Variants in EIF3H observed in about 807,000 individuals in gnomAD.
The protein encoded by EIF3H is eIF-3-gamma.
Under a neutral mutation model 44.2 loss-of-function variants are expected in EIF3H, and 26 were observed. The ratio of observed to expected loss-of-function variants is 0.59; its 90% CI spans 0.43 to 0.82. The LOEUF (loss-of-function observed/expected upper bound fraction) is 0.82. Ranked by LOEUF, EIF3H falls within the 40% of genes least tolerant of loss-of-function variation. EIF3H has a pLI of 0.00. For synonymous variants in EIF3H, 166 were observed against 151.9 expected, an observed-to-expected ratio of 1.09 and a Z score of -0.68; for missense variants, 359 against 432.8, an observed-to-expected ratio of 0.83 and a Z score of 1.51.
At chr8:116,766,289 G>A (rs1264322818), upstream of EIF3H, 4 of 293,514 alleles carry the variant, frequency 1.4e-5, no homozygotes, top group Non-Finnish European at 2.6e-5. Context: ...ATGTATTCTC[G>A]TAATTTTCTT....
chr8:116,663,930 C>CAAAAAAA (rs779193805), intron 2 of EIF3H, among the ~76,000 whole-genome samples: 1 of 76,206 alleles, frequency 1.3e-5, no homozygotes, highest in Admixed American at 1.4e-4. Flanking sequence ...GACTCAGTCT[C>CAAAAAAA]AAAAAAAAAA....
intron 5 of EIF3H, among the ~76,000 whole-genome samples, chr8:116,651,071 C>A (rs1414448380): frequency 1.2e-4 from 19 of 152,288 alleles, no homozygotes; most frequent in South Asian, 2.1e-4. Flanking sequence ...TGTTCTAGAG[C>A]TAGTAATGGT....
chr8:116,696,377 G>A (rs2130870970), intron 2 of EIF3H, among the ~76,000 whole-genome samples: 1 of 152,266 alleles, frequency 6.6e-6, no homozygotes, highest in South Asian at 2.1e-4. Context: ...GAAACCATAA[G>A]TTTATACAGC....
At chr8:116,710,316 G>T (rs7846316) in intron 2 of EIF3H, among the ~76,000 whole-genome samples, 139,195 of 152,238 alleles carry the variant, frequency 0.91, 63,828 homozygotes, top group African/African-American at 0.96. Context: ...TATTTGTAAT[G>T]GCATTCAGTG....
chr8:116,689,170 C>CAG (rs1336484143), intron 2 of EIF3H: 1 of 424,574 alleles, frequency 2.4e-6, no homozygotes, highest in Non-Finnish European at 4.7e-6. Context: ...TGAAATAAGT[C>CAG]AGAGACAAAA....
chr8:116,721,712 T>C (rs1814749297), intron 2 of EIF3H, among the ~76,000 whole-genome samples: 1 of 152,170 alleles, frequency 6.6e-6, no homozygotes, highest in Non-Finnish European at 1.5e-5. Flanking sequence ...AGACATGGAG[T>C]CAAAGGAGAT....
At chr8:116,742,749 A>G (rs778358041) in intron 1 of EIF3H, among the ~76,000 whole-genome samples, 3 of 152,222 alleles carry the variant, frequency 2.0e-5, no homozygotes, top group Non-Finnish European at 4.4e-5. Flanking sequence ...GGAAACATGT[A>G]TAAAGCAACT....
chr8:116,690,771 A>C (rs893864584), intron 2 of EIF3H, among the ~76,000 whole-genome samples: 1 of 152,196 alleles, frequency 6.6e-6, no homozygotes, highest in Non-Finnish European at 1.5e-5. Flanking sequence ...TGCTTACTAT[A>C]ATCACACACA....
intron 2 of EIF3H, among the ~76,000 whole-genome samples, chr8:116,706,894 T>C (rs1217579999): frequency 6.6e-6 from 1 of 152,156 alleles, no homozygotes; most frequent in African/African-American, 2.4e-5. Context: ...TGCACAACTG[T>C]AGGCTAATAT....
intron 1 of EIF3H, among the ~76,000 whole-genome samples, chr8:116,729,446 A>G (rs1178579899): frequency 6.6e-6 from 1 of 152,232 alleles, no homozygotes; most frequent in Non-Finnish European, 1.5e-5. Context: ...AGGGATCAGT[A>G]AGGATAATGT....
intron 1 of EIF3H, among the ~76,000 whole-genome samples, chr8:116,744,781 A>T (rs1177618107): frequency 6.6e-6 from 1 of 152,262 alleles, no homozygotes; most frequent in East Asian, 1.9e-4. Flanking sequence ...AATGCAACTA[A>T]GTTTTCTGTA....
upstream of EIF3H, among the ~76,000 whole-genome samples, chr8:116,758,693 G>A (rs1274364862): frequency 2.6e-5 from 4 of 152,196 alleles, no homozygotes; most frequent in Admixed American, 2.6e-4. Context: ...TTTAAAGAAG[G>A]AATTAAAACA....
intron 2 of EIF3H, among the ~76,000 whole-genome samples, chr8:116,717,510 CAT>C (rs1814675959): frequency 6.6e-6 from 1 of 151,912 alleles, no homozygotes; most frequent in African/African-American, 2.4e-5. Context: ...ACTGTGAGGC[CAT>C]AGTCACCAAA....
At chr8:116,645,176 A>G in intron 7 of EIF3H, 73 bp from the exon 8 acceptor site, 1 of 1,157,982 alleles carries the variant, frequency 8.6e-7, no homozygotes, top group South Asian at 1.3e-5. Flanking sequence ...CTAGTCAAAC[A>G]GAAAAATCAG....
At chr8:116,688,389 C>T (rs1157583641) in intron 2 of EIF3H, among the ~76,000 whole-genome samples, 3 of 151,838 alleles carry the variant, frequency 2.0e-5, no homozygotes, top group African/African-American at 4.8e-5. Context: ...TCCCTATTGA[C>T]AGTAGAATGA....
At chr8:116,653,686 TAAAAAC>T (rs1320596213) in intron 5 of EIF3H, among the ~76,000 whole-genome samples, 1 of 152,078 alleles carries the variant, frequency 6.6e-6, no homozygotes, top group Non-Finnish European at 1.5e-5. Flanking sequence ...AAAGAGGAAA[TAAAAAC>T]AGAATTGTTT....
chr8:116,645,055 T>C lies in EIF3H; in HGVS notation c.1010A>G (p.Asn337Ser). ...CQNIKEFTAQ[N>S]LGKLFMAQAL... ...CTGGGCCATGAAGAGCTTGCCTAAG[T>C]TTTGGGCAGTGAACTCCTTGATGTT... is the stretch of plus-strand genomic sequence containing the variant. The change falls in exon 8 of 8, where the codon AAC becomes AGC. Residue 337 changes from asparagine (N) to serine (S), a missense_variant. By Grantham distance (46) the Asn-to-Ser change is conservative (BLOSUM62 1). Around this residue, in one of 5 missense-constraint regions of EIF3H, gnomAD observed 94 missense variants for 96.0 expected, o/e 0.98. Transcript: ENST00000521861. 6.2e-7 allele frequency: 1 copy of C among 1,614,172 alleles called. No homozygotes were observed. The highest frequency in any genetic ancestry group is 8.5e-7 in the Non-Finnish European group (1 of 1,180,006).
intron 5 of EIF3H, among the ~76,000 whole-genome samples, chr8:116,654,791 G>A (rs1813460178): frequency 6.6e-6 from 1 of 152,124 alleles, no homozygotes. Context: ...GCAATGGAAG[G>A]CGGCGCTTCA....
intron 2 of EIF3H, among the ~76,000 whole-genome samples, chr8:116,678,149 C>G: frequency 6.6e-6 from 1 of 151,170 alleles, no homozygotes; most frequent in Non-Finnish European, 1.5e-5. Flanking sequence ...GCCGCCACGC[C>G]TGACTGGTTT....
Sources: allele counts gnomAD v4.1 joint callset (sites outside exome capture counted in the v4.1 genomes callset), GRCh38; gene constraint gnomAD v4.1.1; regional missense constraint gnomAD v4.1.1; transcripts MANE v1.5; gene names NCBI Gene and HGNC (gene_info 2026-07-23, HGNC 2026-07-21).